Variants in HIVEP3 observed in about 807,000 individuals in gnomAD.
The protein encoded by HIVEP3 is HIVEP zinc finger 3.
HIVEP3 carries 49 observed loss-of-function variants against 152.8 expected under a neutral mutation model. The observed-to-expected ratio is 0.32, with a 90% CI of 0.26 to 0.41. The LOEUF (loss-of-function observed/expected upper bound fraction) is 0.41. Ranked by LOEUF, HIVEP3 falls within the 10% of genes least tolerant of loss-of-function variation. The pLI is 1.00. For synonymous variants in HIVEP3, 1,269 were observed against 1,289.0 expected (o/e 0.98, Z 0.33); for missense variants, 2,790 against 3,103.3 (o/e 0.90, Z 2.40).
intron 1 of HIVEP3, among the ~76,000 whole-genome samples, chr1:42,011,008 T>A (rs1645489430): frequency 6.6e-6 from 1 of 152,196 alleles, no homozygotes; most frequent in Non-Finnish European, 1.5e-5. Flanking sequence ...TAGGACACGG[T>A]TTCCCACTGA....
chr1:41,619,348 G>A (rs1645014101), intron 3 of HIVEP3, among the ~76,000 whole-genome samples: 1 of 152,144 alleles, frequency 6.6e-6, no homozygotes, highest in Non-Finnish European at 1.5e-5. Flanking sequence ...CTGCCACCTT[G>A]TCACATACTA....
chr1:41,893,711 T>G (rs1209898649), intron 1 of HIVEP3, among the ~76,000 whole-genome samples: 1 of 150,402 alleles, frequency 6.6e-6, no homozygotes, highest in Non-Finnish European at 1.5e-5. Flanking sequence ...TGTGTGTGTA[T>G]GTGTTTGTGT....
At chr1:41,983,158 G>A (rs1217522962) in intron 1 of HIVEP3, among the ~76,000 whole-genome samples, 1 of 152,218 alleles carries the variant, frequency 6.6e-6, no homozygotes, top group Non-Finnish European at 1.5e-5. Flanking sequence ...CCACCTCACA[G>A]GCTGTGCAGC....
chr1:42,007,319 A>G (rs1222751261), intron 1 of HIVEP3, among the ~76,000 whole-genome samples: 2 of 152,194 alleles, frequency 1.3e-5, no homozygotes, highest in Non-Finnish European at 2.9e-5. Flanking sequence ...GCATTTTGAC[A>G]TCTTGAGTGG....
chr1:41,569,857 G>A (rs2149095701), intron 5 of HIVEP3, among the ~76,000 whole-genome samples: 1 of 152,264 alleles, frequency 6.6e-6, no homozygotes, highest in South Asian at 2.1e-4. Context: ...AGATAGAAAA[G>A]TACACTCGTT....
chr1:41,698,438 T>C (rs529140838), intron 2 of HIVEP3, among the ~76,000 whole-genome samples: 94 of 152,322 alleles, frequency 6.2e-4, no homozygotes, highest in Non-Finnish European at 1.2e-3. Flanking sequence ...GAGAAAAGTC[T>C]TAGAGGCATT....
intron 2 of HIVEP3, among the ~76,000 whole-genome samples, chr1:41,670,596 A>C (rs1419773487): frequency 6.6e-6 from 1 of 152,214 alleles, no homozygotes; most frequent in Non-Finnish European, 1.5e-5. Context: ...TAAGTAAACT[A>C]TAGAGCATAT....
intron 2 of HIVEP3, among the ~76,000 whole-genome samples, chr1:41,646,434 T>C (rs1645460883): frequency 1.3e-5 from 2 of 152,166 alleles, no homozygotes; most frequent in Non-Finnish European, 2.9e-5. Context: ...AGGAAGGAGA[T>C]GTTCCTTGCA....
At chr1:41,892,954 T>TA (rs111589403) in intron 1 of HIVEP3, among the ~76,000 whole-genome samples, 15,013 of 144,858 alleles carry the variant, frequency 0.1, 2,348 homozygotes, top group African/African-American at 0.34. Context: ...ACCCTATCTC[T>TA]AAAAAAAAAA....
At position 41,899,521 on chromosome 1, in the gene HIVEP3, C is replaced by T. The variant is rs143653484; in HGVS notation, c.-801+18892G>A. On this transcript the variant is annotated intron_variant, in intron 1 of 8. Coordinates refer to ENST00000372583, the MANE Select transcript of HIVEP3 (RefSeq NM_024503.5). ...GCCCGGGTTTAAGCAATTCTCCTGCCTCAGCCTCCCGAGTAGCTGGGATTA... is the reference window on the plus strand; with the variant it reads ...GCCCGGGTTTAAGCAATTCTCCTGCTTCAGCCTCCCGAGTAGCTGGGATTA... 1.7e-3 allele frequency among the ~76,000 whole-genome samples: 263 copies of T among 152,254 alleles called. 7 individuals carry two copies. In the East Asian group the frequency reaches 0.048, roughly 28 times the overall value.
intron 1 of HIVEP3, among the ~76,000 whole-genome samples, chr1:41,777,689 G>A (rs1450859996): frequency 6.6e-6 from 1 of 152,266 alleles, no homozygotes; most frequent in Non-Finnish European, 1.5e-5. Context: ...ACCTCACCAA[G>A]CCTGTCATCA....
At chr1:41,623,537 C>G (rs1362705521) in intron 3 of HIVEP3, among the ~76,000 whole-genome samples, 1 of 152,200 alleles carries the variant, frequency 6.6e-6, no homozygotes, top group Non-Finnish European at 1.5e-5. Context: ...GTTTTTCTAT[C>G]CCCTTGAGGC....
chr1:41,921,097 G>A (rs553065033), upstream of HIVEP3, among the ~76,000 whole-genome samples: 1 of 152,270 alleles, frequency 6.6e-6, no homozygotes, highest in South Asian at 2.1e-4. Flanking sequence ...TTTCCATACG[G>A]GGGCTTTTGG....
In HIVEP3 at chr1:41,683,362, A is replaced by C. The variant is rs56723854; in HGVS notation, c.-721+17554T>G. ...CATAATCCTATTCTATCCCTTACCC[A>C]GGCAACCCCCTAGGCCCTGTAACAA... On this transcript the variant is annotated intron_variant, in intron 2 of 8. Coordinates refer to ENST00000372583, the MANE Select transcript of HIVEP3 (RefSeq NM_024503.5). Among the ~76,000 whole-genome samples, 607 of 152,300 alleles carry C rather than the reference A, an allele frequency of 4.0e-3. 3 individuals are homozygous for C. The highest frequency in any genetic ancestry group is 0.014 in the African/African-American group (564 of 41,564).
chr1:41,629,996 T>C (rs1188091452), intron 2 of HIVEP3, among the ~76,000 whole-genome samples: 1 of 152,172 alleles, frequency 6.6e-6, no homozygotes, highest in African/African-American at 2.4e-5. Context: ...TCCAGCACTA[T>C]TCACAATAGC....
In HIVEP3 at chr1:41,513,348, A is replaced by C; in HGVS notation, c.5873T>G (p.Leu1958Trp). ...TCTTGGGGACACAGGCTTGTAGCTC[A>C]AGGCTGAGCCTGTGTCTTTCTCCAC... The part of the protein sequence containing the change: ...GSVEKDTGSA[L>W]SYKPVSPRRP... Residue 1958 changes from leucine (L) to tryptophan (W), a missense_variant, in exon 8 of 9, where the codon TTG becomes TGG. Physicochemically the swap from Leu to Trp is moderately conservative, Grantham distance 61. Transcript: ENST00000372583. 6.2e-7 allele frequency: 1 copy of C among 1,612,762 alleles called. No homozygotes were observed. The highest frequency in any genetic ancestry group is 8.5e-7 in the Non-Finnish European group (1 of 1,179,944).
At chr1:41,725,115 T>C (rs1646733486) in intron 1 of HIVEP3, among the ~76,000 whole-genome samples, 1 of 152,182 alleles carries the variant, frequency 6.6e-6, no homozygotes, top group African/African-American at 2.4e-5. Context: ...AAAGGCAGAA[T>C]TGAAACCCAA....
chr1:41,512,881 A>G lies in HIVEP3; in HGVS notation c.6340T>C (p.Phe2114Leu), dbSNP rs1233478070. The G allele has an allele frequency of 6.4e-7, 1 of 1,562,020 alleles. No individual in the cohort carries two copies. The highest frequency in any genetic ancestry group is 1.9e-5 in the Admixed American group (1 of 53,458). The stretch of plus-strand genomic sequence containing the variant: ...TTGTGAGGTAGAGGCGCGGGCGGGA[A>G]GAGAACCCGTGGGTCCAGCCCCAAG... The part of the protein sequence containing the change: ...PGLGLDPRVL[F>L]PPAPLPHKLL... The change falls in exon 8 of 9, where the codon TTC (phenylalanine) becomes CTC (leucine). Residue 2114 changes from phenylalanine (F) to leucine (L), a missense_variant. Transcript: ENST00000372583.
chr1:41,859,300 A>G (rs1029484485), intron 1 of HIVEP3, among the ~76,000 whole-genome samples: 18 of 152,234 alleles, frequency 1.2e-4, no homozygotes, highest in African/African-American at 4.3e-4. Flanking sequence ...AATTTGGTAA[A>G]TGAATGGGTT....
Sources: gnomAD v4.1 joint callset for allele counts (sites outside exome capture counted in the v4.1 genomes callset) on GRCh38, gnomAD v4.1.1 for gene constraint, MANE v1.5 for transcripts, NCBI Gene and HGNC (gene_info 2026-07-23, HGNC 2026-07-21) for gene names.